The following KANK1 variants were observed in gnomAD, a reference collection of about 807,000 sequenced individuals.
The protein encoded by KANK1 is KN motif and ankyrin repeat domains 1.
KANK1 carries 109 observed loss-of-function variants against 106.2 expected under a neutral mutation model. That is an observed-to-expected ratio of 1.03 (90% CI 0.88 to 1.20). The LOEUF (loss-of-function observed/expected upper bound fraction) is 1.20, where lower values mean the gene tolerates loss of function less well. Ranked by LOEUF, KANK1 falls within the 50% of genes most tolerant of loss-of-function variation. KANK1 has a pLI of 0.00. For missense variants in KANK1, 2,399 were observed against 1,710.7 expected, an observed-to-expected ratio of 1.40 and a Z score of -7.10; for synonymous variants, 873 against 652.2, an observed-to-expected ratio of 1.34 and a Z score of -5.16.
At chr9:657,071 T>C (rs1842312204) in intron 1 of KANK1, among the ~76,000 whole-genome samples, 1 of 152,152 alleles carries the variant, frequency 6.6e-6, no homozygotes, top group Non-Finnish European at 1.5e-5. Context: ...GCACCAACCT[T>C]TCTACTTTCT....
chr9:569,635 A>G (rs1419542158), intron 1 of KANK1, among the ~76,000 whole-genome samples: 1 of 152,236 alleles, frequency 6.6e-6, no homozygotes, highest in Non-Finnish European at 1.5e-5. Context: ...GTATTCTGTT[A>G]TAAGCAACAG....
At chr9:634,972 G>T (rs1745502636) in intron 1 of KANK1, among the ~76,000 whole-genome samples, 1 of 152,178 alleles carries the variant, frequency 6.6e-6, no homozygotes, top group African/African-American at 2.4e-5. Flanking sequence ...AGGGCATCTT[G>T]TGGCTCTTGT....
intron 1 of KANK1, among the ~76,000 whole-genome samples, chr9:637,225 T>G (rs527865248): frequency 3.3e-5 from 5 of 152,234 alleles, no homozygotes; most frequent in African/African-American, 9.6e-5. Context: ...CTTCAAACAC[T>G]ACCAAGTAGT....
At chr9:488,426 A>G (rs1169207002) in intron 3 of KANK1, among the ~76,000 whole-genome samples, 1 of 152,228 alleles carries the variant, frequency 6.6e-6, no homozygotes, top group African/African-American at 2.4e-5. Context: ...GGAAAAGAAG[A>G]CAAGAAACAA....
chr9:565,689 C>T (rs1321409489), intron 1 of KANK1, among the ~76,000 whole-genome samples: 6 of 151,974 alleles, frequency 3.9e-5, no homozygotes, highest in African/African-American at 1.2e-4. Context: ...AGTCATGAGT[C>T]GCAGGTCCAG....
At chr9:573,607 G>C (rs931197586) in intron 1 of KANK1, among the ~76,000 whole-genome samples, 1 of 151,908 alleles carries the variant, frequency 6.6e-6, no homozygotes, top group Non-Finnish European at 1.5e-5. Flanking sequence ...AATATAAGTC[G>C]GTATCAGTGA....
At chr9:647,935 C>G (rs543736828) in intron 1 of KANK1, among the ~76,000 whole-genome samples, 5 of 150,130 alleles carry the variant, frequency 3.3e-5, no homozygotes, top group Admixed American at 6.6e-5. Flanking sequence ...ACCCTCTGCT[C>G]TCATGTGCAC....
intron 1 of KANK1, among the ~76,000 whole-genome samples, chr9:513,793 A>C (rs538808906): frequency 6.6e-6 from 1 of 152,302 alleles, no homozygotes; most frequent in Non-Finnish European, 1.5e-5. Context: ...AGGCAGGCAG[A>C]TCACTTGAGG....
chr9:632,710 G>T (rs761654226), intron 1 of KANK1, among the ~76,000 whole-genome samples: 1 of 152,100 alleles, frequency 6.6e-6, no homozygotes, highest in Non-Finnish European at 1.5e-5. Context: ...TTTTCTTTGA[G>T]ATGGAGTCTC....
chr9:738,426 G>GACGGCA lies in KANK1; in HGVS notation c.3484_3489dup (p.Gly1162_Asn1163dup), dbSNP rs752228595. On this transcript the variant is annotated inframe_insertion, in exon 8 of 12. Transcript: ENST00000382297. ...CCTCCGCTATGTCATCAACTTGGCA[G>GACGGCA]ACGGCAACGGCAACACAGCCCTCCA... is the stretch of plus-strand genomic sequence containing the variant. 1.2e-5 allele frequency: 19 copies of GACGGCA among 1,614,024 alleles called. No individual in the cohort carries two copies. Among genetic ancestry groups the GACGGCA allele is most frequent in the Admixed American group, 1.7e-5 (1 of 59,998 alleles).
intron 1 of KANK1, among the ~76,000 whole-genome samples, chr9:520,940 T>A (rs16917874): frequency 0.044 from 6,690 of 151,822 alleles, 208 homozygotes; most frequent in Non-Finnish European, 0.054. Context: ...TTGCCTGATT[T>A]AATATGGTTT....
chr9:603,970 A>AG (rs1828438522), intron 1 of KANK1, among the ~76,000 whole-genome samples: 1 of 147,306 alleles, frequency 6.8e-6, no homozygotes, highest in African/African-American at 2.5e-5. Flanking sequence ...AAAAAAAAAA[A>AG]AAAAAAGTAA....
chr9:593,889 T>C (rs1359783601), intron 1 of KANK1, among the ~76,000 whole-genome samples: 1 of 151,958 alleles, frequency 6.6e-6, no homozygotes, highest in African/African-American at 2.4e-5. Context: ...ATAAAATTTT[T>C]TGTAACCTTG....
At chr9:586,933 T>C (rs531257667) in intron 1 of KANK1, among the ~76,000 whole-genome samples, 2 of 152,338 alleles carry the variant, frequency 1.3e-5, no homozygotes, top group South Asian at 4.1e-4. Context: ...TAGTATTGAT[T>C]CCCCTCTCCT....
At chr9:684,960 C>A (rs1818266612) in intron 2 of KANK1, among the ~76,000 whole-genome samples, 1 of 151,992 alleles carries the variant, frequency 6.6e-6, no homozygotes, top group Non-Finnish European at 1.5e-5. Context: ...TTTAAGGAGA[C>A]CCATCCAGGA....
intron 1 of KANK1, among the ~76,000 whole-genome samples, chr9:627,347 C>T (rs1292660546): frequency 1.3e-5 from 2 of 152,042 alleles, no homozygotes; most frequent in Non-Finnish European, 2.9e-5. Context: ...CATCTTCTGC[C>T]CAGGATTTCT....
At chr9:554,165 A>T (rs1032118040) in intron 1 of KANK1, among the ~76,000 whole-genome samples, 6 of 152,240 alleles carry the variant, frequency 3.9e-5, no homozygotes, top group Non-Finnish European at 8.8e-5. Context: ...AGAAGTCTCA[A>T]GATCTGCCAT....
intron 1 of KANK1, among the ~76,000 whole-genome samples, chr9:614,021 C>T (rs1265747787): frequency 6.6e-6 from 1 of 152,172 alleles, no homozygotes; most frequent in African/African-American, 2.4e-5. Flanking sequence ...CTCCAAGCAT[C>T]TCTGGGTGGC....
chr9:504,517 C>G (rs1033504776), upstream of KANK1, among the ~76,000 whole-genome samples: 2 of 149,666 alleles, frequency 1.3e-5, no homozygotes, highest in South Asian at 2.1e-4. Context: ...TTCGCCGGCC[C>G]GCGCCGTTCT....
Sources: allele counts gnomAD v4.1 joint callset (sites outside exome capture counted in the v4.1 genomes callset), GRCh38; gene constraint gnomAD v4.1.1; transcripts MANE v1.5; gene names NCBI Gene and HGNC (gene_info 2026-07-23, HGNC 2026-07-21).